TOPAZ1: variants seen among roughly 807,000 people sequenced by gnomAD.
TOPAZ1 encodes the protein testis and ovary specific TOPAZ 1.
TOPAZ1 carries 66 observed loss-of-function variants against 172.2 expected under a neutral mutation model. The observed-to-expected ratio is 0.38, with a 90% CI of 0.31 to 0.47. The LOEUF (loss-of-function observed/expected upper bound fraction) is 0.47, where lower values mean the gene tolerates loss of function less well. Among genes scored for constraint, TOPAZ1 ranks in the 20% least tolerant of loss-of-function variants. TOPAZ1 has a pLI of 0.99. For missense variants in TOPAZ1, 1,822 were observed against 1,972.4 expected, an observed-to-expected ratio of 0.92 and a Z score of 1.44; for synonymous variants, 681 against 683.9, an observed-to-expected ratio of 1.00 and a Z score of 0.07.
intron 8 of TOPAZ1, among the ~76,000 whole-genome samples, chr3:44,271,306 C>T (rs932095693): frequency 6.6e-5 from 10 of 152,138 alleles, no homozygotes; most frequent in African/African-American, 2.4e-4. Context: ...ACATCCTTAC[C>T]AGCTCTTGAT....
chr3:44,254,342 A>G (rs937980643), intron 2 of TOPAZ1, among the ~76,000 whole-genome samples: 1 of 152,148 alleles, frequency 6.6e-6, no homozygotes, highest in Non-Finnish European at 1.5e-5. Context: ...TAACAGTAGA[A>G]GTTGGCCAGG....
At chr3:44,259,599 A>C (rs180880603) in intron 4 of TOPAZ1, among the ~76,000 whole-genome samples, 2 of 152,314 alleles carry the variant, frequency 1.3e-5, no homozygotes, top group East Asian at 3.9e-4. Context: ...ATCCTTGAGC[A>C]TAAGGCATTT....
chr3:44,321,386 A>T (rs1427252672), intron 17 of TOPAZ1, among the ~76,000 whole-genome samples, 195 bp downstream of exon 17: 1 of 152,156 alleles, frequency 6.6e-6, no homozygotes, highest in Non-Finnish European at 1.5e-5. Flanking sequence ...TGAGATGCTT[A>T]TCTTTGGGTT....
intron 16 of TOPAZ1, among the ~76,000 whole-genome samples, chr3:44,310,627 A>G (rs1382315729): frequency 6.6e-6 from 1 of 152,238 alleles, no homozygotes; most frequent in Non-Finnish European, 1.5e-5. Flanking sequence ...TTTTATTGAT[A>G]AGAAAATGCT....
intron 16 of TOPAZ1, among the ~76,000 whole-genome samples, chr3:44,317,662 T>C (rs1394605066): frequency 6.6e-6 from 1 of 152,180 alleles, no homozygotes; most frequent in East Asian, 1.9e-4. Context: ...TTATGGAAAA[T>C]ATGCTCTCCC....
chr3:44,311,260 A>AT (rs1344215730), intron 16 of TOPAZ1, among the ~76,000 whole-genome samples: 1 of 152,228 alleles, frequency 6.6e-6, no homozygotes, highest in East Asian at 1.9e-4. Context: ...TTGTAAAGGT[A>AT]TTCTTCAACT....
intron 2 of TOPAZ1, among the ~76,000 whole-genome samples, chr3:44,250,333 C>T (rs1559525162): frequency 6.7e-6 from 1 of 149,740 alleles, no homozygotes; most frequent in Non-Finnish European, 1.5e-5. Context: ...TTTTAAGAAA[C>T]TTACTTTTCT....
At chr3:44,303,479 C>CTTT (rs34565826) in intron 12 of TOPAZ1, among the ~76,000 whole-genome samples, 40 of 109,902 alleles carry the variant, frequency 3.6e-4, no homozygotes, top group Middle Eastern at 5.5e-3. Context: ...TGCTTGCTTG[C>CTTT]TTTTTTTTTT....
At chr3:44,250,979 A>C (rs985597822) in intron 2 of TOPAZ1, among the ~76,000 whole-genome samples, 10 of 152,202 alleles carry the variant, frequency 6.6e-5, no homozygotes. Context: ...GCCTAGGGCC[A>C]CTACTACTTG....
chr3:44,329,421 A>G (rs988414634), intron 19 of TOPAZ1, among the ~76,000 whole-genome samples: 5 of 152,194 alleles, frequency 3.3e-5, no homozygotes, highest in African/African-American at 1.2e-4. Context: ...GGGCCTCTCC[A>G]TAGGTTGGTT....
rs755693210 is a variant in TOPAZ1 at position 44,287,458 on chromosome 3, A to G, written c.3506A>G (p.Asp1169Gly). The G allele has an allele frequency of 1.3e-6, 2 of 1,528,828 alleles. No individual in the cohort carries two copies. Among genetic ancestry groups the G allele is most frequent in the East Asian group, 2.5e-5 (1 of 39,866 alleles). 94.7% of individuals were successfully genotyped at this position (1,528,828 alleles called of 1,614,324 possible). A position where few individuals can be genotyped will look rare whatever the true frequency, so the allele number is the denominator to read the frequency against. ...GVYFDLQVLN[D>G]LLNSLLKHCL... ...TACTTTGATTTACAAGTGCTAAATG[A>G]CCTTCTAAATTCTTTACTCAAACAT... The change falls in exon 10 of 20, where the codon GAC (aspartate) becomes GGC (glycine). Residue 1169 changes from aspartate (D) to glycine (G), a missense_variant. Around this residue, in one of 2 missense-constraint regions of TOPAZ1, gnomAD observed 1,489 missense variants for 1,490.8 expected, o/e 1.00. Coordinates refer to ENST00000309765, the MANE Select transcript of TOPAZ1 (RefSeq NM_001145030.2).
intron 9 of TOPAZ1, among the ~76,000 whole-genome samples, chr3:44,286,288 A>T (rs1207816852): frequency 1.3e-5 from 2 of 152,216 alleles, no homozygotes; most frequent in African/African-American, 4.8e-5. Flanking sequence ...CACACTGGCT[A>T]ACATAGATTA....
chr3:44,320,699 AT>A (rs1700498704), intron 16 of TOPAZ1, among the ~76,000 whole-genome samples: 2 of 152,358 alleles, frequency 1.3e-5, no homozygotes, highest in South Asian at 4.1e-4. Context: ...CATAAATAAT[AT>A]TTTATGTTAA....
intron 16 of TOPAZ1, among the ~76,000 whole-genome samples, chr3:44,312,697 A>T (rs541020626): frequency 8.9e-4 from 136 of 152,320 alleles, no homozygotes; most frequent in African/African-American, 3.1e-3. Context: ...AAACCAACAT[A>T]AAAAAGTCTT....
intron 4 of TOPAZ1, among the ~76,000 whole-genome samples, chr3:44,256,728 A>G (rs1575707623): frequency 6.6e-6 from 1 of 152,138 alleles, no homozygotes; most frequent in Non-Finnish European, 1.5e-5. Flanking sequence ...TTCTAATACC[A>G]TGGTAGGCTT....
chr3:44,321,700 C>T (rs746407031), intron 17 of TOPAZ1, among the ~76,000 whole-genome samples: 19 of 152,112 alleles, frequency 1.2e-4, no homozygotes, highest in Non-Finnish European at 2.2e-4. Flanking sequence ...CAGAGGATGA[C>T]GAAAACGTTA....
intron 12 of TOPAZ1, among the ~76,000 whole-genome samples, chr3:44,301,903 G>A (rs1158665709): frequency 1.3e-5 from 2 of 151,984 alleles, no homozygotes; most frequent in South Asian, 4.2e-4. Context: ...TTGAGTCAAG[G>A]TTATGTTTTA....
At chr3:44,287,565 A>C in intron 10 of TOPAZ1, 25 bp downstream of exon 10, 1 of 1,367,670 alleles carries the variant, frequency 7.3e-7, no homozygotes, top group Non-Finnish European at 9.7e-7. Flanking sequence ...AATATATGTT[A>C]TTTTAATATT....
intron 13 of TOPAZ1, among the ~76,000 whole-genome samples, chr3:44,304,601 C>T (rs1700313753): frequency 6.6e-6 from 1 of 152,280 alleles, no homozygotes; most frequent in African/African-American, 2.4e-5. Flanking sequence ...ATTCTTAAGA[C>T]AACTTTTTTT....
Sources: allele counts gnomAD v4.1 joint callset (sites outside exome capture counted in the v4.1 genomes callset), GRCh38; gene constraint gnomAD v4.1.1; regional missense constraint gnomAD v4.1.1; transcripts MANE v1.5; gene names NCBI Gene and HGNC (gene_info 2026-07-23, HGNC 2026-07-21).